Variants in SHTN1 observed in about 807,000 individuals in gnomAD.
SHTN1 encodes the protein shootin 1.
A neutral mutation model predicts 83.1 loss-of-function variants in SHTN1; 42 were observed. That is an observed-to-expected ratio of 0.51 (90% CI 0.39 to 0.65). The LOEUF (loss-of-function observed/expected upper bound fraction) is 0.65. Ranked by LOEUF, SHTN1 falls within the 30% of genes least tolerant of loss-of-function variation. SHTN1 has a pLI of 0.00. For synonymous variants in SHTN1, 224 were observed against 247.7 expected (o/e 0.90, Z 0.90); for missense variants, 622 against 737.8 (o/e 0.84, Z 1.82).
chr10:117,082,745 G>A (rs202135930), intron 1 of SHTN1, among the ~76,000 whole-genome samples: 18,174 of 151,406 alleles, frequency 0.12, 1,325 homozygotes, highest in Admixed American at 0.17. Context: ...ATATATTTAG[G>A]ATAGTTAGCT....
chr10:116,903,709 T>C (rs572318316), intron 15 of SHTN1, among the ~76,000 whole-genome samples: 27 of 152,192 alleles, frequency 1.8e-4, no homozygotes, highest in African/African-American at 2.7e-4. Flanking sequence ...TGGGTAAGCG[T>C]TGACTACAAT....
intron 2 of SHTN1, 140 bp from the exon 3 acceptor site, chr10:116,968,852 T>C (rs1304641791): frequency 4.5e-6 from 3 of 662,228 alleles, no homozygotes; most frequent in Non-Finnish European, 7.8e-6. Flanking sequence ...GCATCAATGG[T>C]CATATATGAA....
intron 2 of SHTN1, among the ~76,000 whole-genome samples, chr10:117,024,459 A>G (rs1452985403): frequency 1.4e-5 from 2 of 140,618 alleles, no homozygotes; most frequent in East Asian, 4.2e-4. Flanking sequence ...GGTTCACGCC[A>G]TTCTCCTGCC....
intron 1 of SHTN1, among the ~76,000 whole-genome samples, chr10:117,119,242 CAAAGT>C (rs1277246364): frequency 3.3e-5 from 5 of 152,004 alleles, no homozygotes; most frequent in African/African-American, 1.2e-4. Flanking sequence ...TGACAATTAA[CAAAGT>C]AAAGAGACAA....
At chr10:116,934,652 C>CT (rs1849089928) in intron 9 of SHTN1, among the ~76,000 whole-genome samples, 1 of 151,754 alleles carries the variant, frequency 6.6e-6, no homozygotes, top group South Asian at 2.1e-4. Flanking sequence ...GCAATATGGG[C>CT]TTTTTTTTCA....
rs375272029 is a variant in SHTN1 at position 116,978,712 on chromosome 10, A to G, written c.111+544T>C. 3.9e-5 allele frequency among the ~76,000 whole-genome samples: 6 copies of G among 152,300 alleles called. No individual in the cohort carries two copies. The East Asian group carries it at 1.2e-3, about 29-fold the overall frequency. On this transcript the variant is annotated intron_variant, in intron 2 of 16. Coordinates refer to ENST00000355371, the MANE Select transcript of SHTN1 (RefSeq NM_001127211.3). ...AGAATTCAATTATTTAACAGTTAAA[A>G]CAAAACTGACAGAACCCCTGAAAAT...
upstream of SHTN1, among the ~76,000 whole-genome samples, chr10:117,008,826 A>G (rs1852059462): frequency 6.6e-6 from 1 of 152,228 alleles, no homozygotes. Context: ...TCAAAACTAT[A>G]GAATTGGCCG....
upstream of SHTN1, among the ~76,000 whole-genome samples, chr10:117,006,792 G>A (rs1852022245): frequency 2.0e-5 from 3 of 151,928 alleles, no homozygotes; most frequent in Non-Finnish European, 2.9e-5. Flanking sequence ...TTTTATGGAA[G>A]TGCCCAGCTC....
chr10:116,939,546 T>G (rs1472733555), intron 9 of SHTN1, among the ~76,000 whole-genome samples: 1 of 152,204 alleles, frequency 6.6e-6, no homozygotes, highest in African/African-American at 2.4e-5. Flanking sequence ...AATGCAGAAA[T>G]CACCCGCCTT....
At chr10:117,053,968 T>C (rs566217133) in intron 1 of SHTN1, among the ~76,000 whole-genome samples, 219 of 152,296 alleles carry the variant, frequency 1.4e-3, no homozygotes, top group Non-Finnish European at 1.7e-3. Context: ...GAAAACATTA[T>C]GCCAAGTGAA....
chr10:116,932,415 T>C (rs1849005883), intron 9 of SHTN1, among the ~76,000 whole-genome samples: 1 of 152,148 alleles, frequency 6.6e-6, no homozygotes, highest in Non-Finnish European at 1.5e-5. Flanking sequence ...TTTATGATAA[T>C]CTAATGCCTG....
intron 16 of SHTN1, among the ~76,000 whole-genome samples, chr10:116,894,948 G>C (rs1589781198): frequency 6.6e-6 from 1 of 152,152 alleles, no homozygotes; most frequent in South Asian, 2.1e-4. Context: ...CATACTGAAG[G>C]CCCACATATC....
intron 1 of SHTN1, among the ~76,000 whole-genome samples, chr10:117,115,063 C>T (rs756352281): frequency 6.6e-6 from 1 of 152,168 alleles, no homozygotes; most frequent in Non-Finnish European, 1.5e-5. Context: ...CAGGAAGATG[C>T]TTTTAACTCT....
Position 116,901,899 on chromosome 10 carries a change from T to C in SHTN1, c.1539A>G (p.Val513=), listed in dbSNP as rs764521211. 22 of 1,608,096 alleles carry C rather than the reference T, an allele frequency of 1.4e-5. No homozygotes were observed. The highest frequency in any genetic ancestry group is 1.7e-5 in the Non-Finnish European group (20 of 1,177,966). ...ESKSMPVLGS[V]SSVTKTALNK... is the part of the protein sequence containing the mutation. ...TCAAGGCTGTTTTTGTTACACTGGA[T>C]ACAGAACCCAACACTGGCATGGATT... Residue 513 remains valine (V), a synonymous_variant, in exon 16 of 17, where the codon GTA becomes GTG. Transcript: ENST00000355371.
At position 117,005,168 on chromosome 10, in the gene SHTN1, G is replaced by T; in HGVS notation, c.-89C>A. 1 of 1,544,512 alleles carries T rather than the reference G, an allele frequency of 6.5e-7. No individual in the cohort carries two copies. On this transcript the variant is annotated 5_prime_UTR_variant, in exon 1 of 17. Coordinates refer to ENST00000355371, the MANE Select transcript of SHTN1 (RefSeq NM_001127211.3). ...GGGAAGAAAAAGCAAGATGCCGGTG[G>T]CTTGCGGCTCCACTACCCGGAAGTT...
At chr10:117,044,173 A>C (rs976956079) in intron 2 of SHTN1, among the ~76,000 whole-genome samples, 6 of 152,114 alleles carry the variant, frequency 3.9e-5, no homozygotes, top group Non-Finnish European at 8.8e-5. Context: ...ACTCTACTCA[A>C]GGGTAACTAC....
intron 2 of SHTN1, among the ~76,000 whole-genome samples, chr10:116,974,672 GAACAT>G (rs1180340932): frequency 1.3e-5 from 2 of 152,096 alleles, no homozygotes; most frequent in African/African-American, 2.4e-5. Flanking sequence ...CTTGATCTCA[GAACAT>G]AATACTAAAC....
intron 2 of SHTN1, among the ~76,000 whole-genome samples, chr10:117,035,137 A>G (rs1476903613): frequency 6.6e-6 from 1 of 152,202 alleles, no homozygotes; most frequent in Non-Finnish European, 1.5e-5. Flanking sequence ...AACAACAAAT[A>G]AATAGACCAT....
At chr10:117,074,977 G>GA (rs1001864887) in intron 1 of SHTN1, among the ~76,000 whole-genome samples, 3 of 149,580 alleles carry the variant, frequency 2.0e-5, no homozygotes, top group South Asian at 2.1e-4. Flanking sequence ...ATTTAGGATT[G>GA]AAAAAAAAAT....
Sources: allele counts gnomAD v4.1 joint callset (sites outside exome capture counted in the v4.1 genomes callset), GRCh38; gene constraint gnomAD v4.1.1; transcripts MANE v1.5; gene names NCBI Gene and HGNC (gene_info 2026-07-23, HGNC 2026-07-21).